Variants in SPATA6 observed in about 807,000 individuals in gnomAD.
SPATA6 encodes spermatogenesis-associated protein 6.
SPATA6 carries 56 observed loss-of-function variants against 65.3 expected under a neutral mutation model. That is an observed-to-expected ratio of 0.86 (90% CI 0.69 to 1.07). The LOEUF (loss-of-function observed/expected upper bound fraction) is 1.07. SPATA6 is among the 50% of genes least tolerant of loss of function. SPATA6 has a pLI of 0.00. For missense variants in SPATA6, 590 were observed against 594.8 expected, an observed-to-expected ratio of 0.99 and a Z score of 0.08; for synonymous variants, 199 against 213.2, an observed-to-expected ratio of 0.93 and a Z score of 0.58.
intron 10 of SPATA6, among the ~76,000 whole-genome samples, chr1:48,356,466 T>C (rs1646662649): frequency 6.6e-6 from 1 of 151,446 alleles, no homozygotes; most frequent in African/African-American, 2.4e-5. Context: ...AATGTTGCTA[T>C]GTTGCTGAAA....
At chr1:48,467,050 T>C (rs1657860706) in intron 1 of SPATA6, among the ~76,000 whole-genome samples, 1 of 152,104 alleles carries the variant, frequency 6.6e-6, no homozygotes, top group South Asian at 2.1e-4. Flanking sequence ...AGATTTAAAA[T>C]GTAAGTGATG....
At chr1:48,394,009 T>C (rs10158605) in intron 8 of SPATA6, among the ~76,000 whole-genome samples, 37,330 of 151,836 alleles carry the variant, frequency 0.25, 4,799 homozygotes, top group Admixed American at 0.3. Flanking sequence ...TCCATAATAA[T>C]ATCCCTGTCA....
intron 11 of SPATA6, chr1:48,325,290 G>A: frequency 9.5e-7 from 1 of 1,052,220 alleles, no homozygotes; most frequent in South Asian, 1.4e-5. Context: ...GCTGTCTTGT[G>A]GAAACTGGGA....
At chr1:48,293,916 G>T (rs1297515471), downstream of SPATA6, among the ~76,000 whole-genome samples, 9 of 152,076 alleles carry the variant, frequency 5.9e-5, no homozygotes, top group Admixed American at 3.9e-4. Flanking sequence ...TTTGCGAATG[G>T]GTGAACAGTC....
chr1:48,303,009 A>C lies in SPATA6; in HGVS notation c.1286+2778T>G, dbSNP rs79118188. The stretch of plus-strand genomic sequence containing the variant: ...CTGGGAGCAAAGCTGCCAGTATTTC[A>C]ATATGACTTCCCTAGTAGAACTTTT... On this transcript the variant is annotated intron_variant, in intron 12 of 12. Transcript: ENST00000371847. 2.0e-3 allele frequency among the ~76,000 whole-genome samples: 312 copies of C among 152,200 alleles called. 8 individuals are homozygous for C. In the East Asian group the frequency reaches 0.053, roughly 26 times the overall value.
At chr1:48,438,859 T>A (rs1462106602) in intron 3 of SPATA6, among the ~76,000 whole-genome samples, 1 of 152,170 alleles carries the variant, frequency 6.6e-6, no homozygotes, top group Non-Finnish European at 1.5e-5. Context: ...CATAAAGACA[T>A]AATTTTTGCC....
At chr1:48,329,310 A>T (rs1197843113) in intron 11 of SPATA6, among the ~76,000 whole-genome samples, 1 of 152,198 alleles carries the variant, frequency 6.6e-6, no homozygotes, top group Non-Finnish European at 1.5e-5. Context: ...ACATTCTTAA[A>T]TGTATAGATT....
At chr1:48,436,514 G>A (rs539671668) in intron 3 of SPATA6, 2 of 1,611,886 alleles carry the variant, frequency 1.2e-6, no homozygotes, top group Non-Finnish European at 8.5e-7. Flanking sequence ...TGTATTCACA[G>A]GAGTATTAAA....
In SPATA6 at chr1:48,399,481, G is replaced by C. The variant is rs749126467; in HGVS notation, c.650C>G (p.Ser217Cys). The change falls in exon 7 of 13, where the codon TCT becomes TGT. Residue 217 changes from serine to cysteine, a missense_variant. By Grantham distance (112) the Ser-to-Cys change is moderately radical. Transcript: ENST00000371847. ...GCGTCTTTTTGTGTAGGGAGATGGA[G>C]AGTGTGATTTTGAAGAAATTGTAGG... ...EQPTISSKSH[S>C]PSPYTKRRMC... The C allele has an allele frequency of 6.2e-7, 1 of 1,613,408 alleles. No homozygotes were observed. Among genetic ancestry groups the C allele is most frequent in the East Asian group, 2.2e-5 (1 of 44,838 alleles).
At chr1:48,422,849 A>T (rs1653472915) in intron 3 of SPATA6, among the ~76,000 whole-genome samples, 1 of 152,198 alleles carries the variant, frequency 6.6e-6, no homozygotes, top group Non-Finnish European at 1.5e-5. Context: ...AATTTCACCC[A>T]TAAGAATATA....
At chr1:48,366,897 A>G (rs1246371501) in intron 9 of SPATA6, among the ~76,000 whole-genome samples, 3 of 151,688 alleles carry the variant, frequency 2.0e-5, no homozygotes, top group East Asian at 1.9e-4. Context: ...TAGGGTGTCA[A>G]TTTTGCATCT....
chr1:48,336,473 T>C (rs926224277), intron 11 of SPATA6, among the ~76,000 whole-genome samples: 7 of 152,034 alleles, frequency 4.6e-5, no homozygotes, highest in Non-Finnish European at 1.0e-4. Flanking sequence ...GATCACATCC[T>C]TTGCAGGAAC....
chr1:48,356,048 GA>G (rs1005637499), intron 10 of SPATA6, among the ~76,000 whole-genome samples: 10 of 151,848 alleles, frequency 6.6e-5, no homozygotes, highest in Non-Finnish European at 1.0e-4. Context: ...CAAACTGTGT[GA>G]AAAAATTCCT....
At chr1:48,365,584 G>T (rs1220713702) in intron 9 of SPATA6, among the ~76,000 whole-genome samples, 2 of 152,218 alleles carry the variant, frequency 1.3e-5, no homozygotes, top group East Asian at 3.9e-4. Context: ...GTTCACTCAT[G>T]ATTTGGCTGT....
chr1:48,318,732 C>T (rs1324485691), intron 11 of SPATA6, among the ~76,000 whole-genome samples: 1 of 152,108 alleles, frequency 6.6e-6, no homozygotes, highest in South Asian at 2.1e-4. Flanking sequence ...AATTCCTATA[C>T]AATTCCGGCC....
chr1:48,364,749 G>A (rs1425678142), intron 9 of SPATA6, among the ~76,000 whole-genome samples: 1 of 152,066 alleles, frequency 6.6e-6, no homozygotes, highest in African/African-American at 2.4e-5. Flanking sequence ...TTTGTAGGTT[G>A]CCTGTTCACT....
At chr1:48,344,018 C>G (rs1418042817) in intron 11 of SPATA6, among the ~76,000 whole-genome samples, 1 of 151,848 alleles carries the variant, frequency 6.6e-6, no homozygotes, top group Admixed American at 6.6e-5. Context: ...TAGGTTTATA[C>G]CCAAATATAT....
rs201293204 is a variant in SPATA6 at position 48,395,300 on chromosome 1, A to G, written c.835T>C (p.Cys279Arg). ...ACCCTTGACCATCCATCTCTTTCACAGTCTCTTCCAGAAGATCCCAATAAA... is the reference window on the plus strand; with the variant it reads ...ACCCTTGACCATCCATCTCTTTCACGGTCTCTTCCAGAAGATCCCAATAAA... ...DTLLGSSGRD[C>R]ERDGWSRVHN... is the part of the protein sequence containing the mutation. Residue 279 changes from cysteine to arginine, a missense_variant, in exon 8 of 13, where the codon TGT (cysteine) becomes CGT (arginine). By Grantham distance (180) the Cys-to-Arg change is radical. Transcript: ENST00000371847. The G allele has an allele frequency of 8.3e-6, 13 of 1,569,500 alleles. No homozygotes were observed. Among genetic ancestry groups the G allele is most frequent in the East Asian group, 4.7e-5 (2 of 42,300 alleles).
intron 11 of SPATA6, among the ~76,000 whole-genome samples, chr1:48,326,836 T>C (rs1254216467): frequency 6.6e-6 from 1 of 152,118 alleles, no homozygotes; most frequent in Non-Finnish European, 1.5e-5. Context: ...TCTCTCACCA[T>C]ACACAGTAAT....
Sources: allele counts gnomAD v4.1 joint callset (sites outside exome capture counted in the v4.1 genomes callset), GRCh38; gene constraint gnomAD v4.1.1; transcripts MANE v1.5; gene names NCBI Gene and HGNC (gene_info 2026-07-23, HGNC 2026-07-21).